USP28: variants seen among roughly 807,000 people sequenced by gnomAD.
USP28 encodes ubiquitin specific peptidase 28.
In USP28, 113 loss-of-function variants were observed where a neutral mutation model predicts 145.0. That is an observed-to-expected ratio of 0.78 (90% CI 0.67 to 0.91). USP28 has a LOEUF of 0.91. Among genes scored for constraint, USP28 ranks in the 40% least tolerant of loss-of-function variants. The pLI is 0.00. For synonymous variants in USP28, 447 were observed against 450.9 expected (o/e 0.99, Z 0.11); for missense variants, 1,201 against 1,289.6 (o/e 0.93, Z 1.05).
chr11:113,824,913 A>G (rs1161283658), intron 11 of USP28, among the ~76,000 whole-genome samples: 1 of 148,348 alleles, frequency 6.7e-6, no homozygotes, highest in East Asian at 2.1e-4. Context: ...CCTGGGCAAC[A>G]AGAGCGAAAC....
exon 16 of USP28, chr11:113,812,290 G>C (rs751152223): frequency 2.5e-6 from 4 of 1,613,734 alleles, no homozygotes; most frequent in East Asian, 2.2e-5. Context: ...ATTGAAGTAG[G>C]GTAGTTTGTC....
rs1225868136 is a variant in USP28 at position 113,817,791 on chromosome 11, T to C, written c.1330A>G (p.Met444Val). The C allele has an allele frequency of 3.1e-6, 5 of 1,614,180 alleles. No homozygotes were observed. The highest frequency in any genetic ancestry group is 3.3e-5 in the Admixed American group (2 of 60,020). The change falls in exon 13 of 25, where the codon ATG (methionine) becomes GTG (valine). Residue 444 changes from methionine (M) to valine (V), a missense_variant. Physicochemically the swap from Met to Val is conservative, Grantham distance 21. Transcript: ENST00000003302. ...GCAAATTCAATAACATATTTCAGCA[T>C]GTCCGGGAGCGGGAACCGAGCTGGG...
chr11:113,868,084 C>T (rs1467513274), intron 1 of USP28, among the ~76,000 whole-genome samples: 1 of 152,144 alleles, frequency 6.6e-6, no homozygotes, highest in Admixed American at 6.6e-5. Flanking sequence ...GACTCCAGCA[C>T]ACATCAGCCT....
chr11:113,844,015 T>TAG (rs1455997722), intron 3 of USP28, among the ~76,000 whole-genome samples: 1 of 152,024 alleles, frequency 6.6e-6, no homozygotes, highest in Non-Finnish European at 1.5e-5. Context: ...AATATAAAAG[T>TAG]AGAGGATGAC....
At chr11:113,803,450 A>C (rs1442472160) in intron 22 of USP28, among the ~76,000 whole-genome samples, 169 bp from the exon 24 acceptor site, 1 of 152,184 alleles carries the variant, frequency 6.6e-6, no homozygotes, top group African/African-American at 2.4e-5. Flanking sequence ...CTAGCCATCC[A>C]AAGCAAATAT....
chr11:113,873,330 G>T (rs1368453194), intron 1 of USP28, among the ~76,000 whole-genome samples: 1 of 152,186 alleles, frequency 6.6e-6, no homozygotes, highest in Admixed American at 6.6e-5. Context: ...TTTCCGTATA[G>T]GGCAAATCAC....
chr11:113,854,294 G>A, exon 2 of USP28: 1 of 1,614,110 alleles, frequency 6.2e-7, no homozygotes, highest in Non-Finnish European at 8.5e-7. Flanking sequence ...GGTCCTGAAT[G>A]CCTGTGATTT....
chr11:113,818,269 A>G lies in USP28; in HGVS notation c.1284-432T>C, dbSNP rs112843366. The G allele has an allele frequency of 2.8e-3, 429 of 153,112 alleles. 1 individual carries two copies. Among genetic ancestry groups the G allele is most frequent in the Non-Finnish European group, 4.6e-3 (319 of 69,184 alleles). The allele number at this position is 153,112 out of a possible 1,614,324, so 9.5% of individuals were successfully genotyped here. A position where few individuals can be genotyped will look rare whatever the true frequency, so the allele number is the denominator to read the frequency against. On this transcript the variant is annotated intron_variant, in intron 12 of 24. Transcript: ENST00000003302. ...TGGGTTCACGCCATTCTCCTGCCTC[A>G]GCCTCCCCAGTAGCTGGGACTACAG...
chr11:113,852,537 C>A, exon 3 of USP28: 1 of 1,614,184 alleles, frequency 6.2e-7, no homozygotes, highest in Non-Finnish European at 8.5e-7. Flanking sequence ...CTCCCCTCTA[C>A]TTCAGATGGT....
chr11:113,802,009 T>C (rs76922048), intron 23 of USP28, among the ~76,000 whole-genome samples: 2 of 152,216 alleles, frequency 1.3e-5, no homozygotes, highest in African/African-American at 4.8e-5. Context: ...CCTCTGAGCA[T>C]CAGAATCACC....
exon 23 of USP28, chr11:113,803,174 C>A: frequency 6.2e-7 from 1 of 1,613,542 alleles, no homozygotes; most frequent in Non-Finnish European, 8.5e-7. Context: ...GCATTTTCTT[C>A]GGTATAAAGC....
chr11:113,840,816 T>C, intron 4 of USP28, 59 bp from the exon 5 acceptor site: 2 of 1,550,846 alleles, frequency 1.3e-6, no homozygotes, highest in Non-Finnish European at 1.7e-6. Flanking sequence ...TAATATAGCA[T>C]ATGGAGGATG....
intron 3 of USP28, among the ~76,000 whole-genome samples, chr11:113,849,547 A>T (rs1946241043): frequency 6.6e-6 from 1 of 152,098 alleles, no homozygotes; most frequent in Non-Finnish European, 1.5e-5. Flanking sequence ...CTGGCCTATT[A>T]AAGGGATGTC....
intron 1 of USP28, among the ~76,000 whole-genome samples, chr11:113,871,886 TGA>T (rs1480792828): frequency 2.0e-5 from 3 of 152,230 alleles, no homozygotes; most frequent in Non-Finnish European, 4.4e-5. Context: ...CCATCAACTA[TGA>T]GATAGGACCA....
At chr11:113,857,795 G>C (rs1484280591) in intron 1 of USP28, among the ~76,000 whole-genome samples, 1 of 152,118 alleles carries the variant, frequency 6.6e-6, no homozygotes, top group Non-Finnish European at 1.5e-5. Context: ...TCTCCATTTT[G>C]TAATAGGTAG....
intron 5 of USP28, 66 bp downstream of exon 5, chr11:113,840,532 C>T (rs1945080851): frequency 3.2e-6 from 5 of 1,549,420 alleles, no homozygotes; most frequent in Middle Eastern, 1.7e-4. Flanking sequence ...TATGTTTCTA[C>T]ATTTCAGTTT....
intron 1 of USP28, among the ~76,000 whole-genome samples, chr11:113,860,442 CAAAAAAAAAAAAAA>C (rs1372274622): frequency 3.0e-5 from 4 of 134,624 alleles, no homozygotes; most frequent in Non-Finnish European, 3.1e-5. Flanking sequence ...CCAAGGGAAG[CAAAAAAAAAAAAAA>C]GAAAAAACAA....
exon 10 of USP28, chr11:113,829,254 C>T: frequency 6.2e-7 from 1 of 1,614,196 alleles, no homozygotes; most frequent in Non-Finnish European, 8.5e-7. Context: ...CACCCTCCAC[C>T]ATGGCCCCTT....
At chr11:113,857,196 C>T (rs531828679) in intron 1 of USP28, among the ~76,000 whole-genome samples, 25 of 152,286 alleles carry the variant, frequency 1.6e-4, no homozygotes, top group African/African-American at 5.8e-4. Context: ...GCAATTTCCC[C>T]TGCTTCCAGG....
Sources: allele counts gnomAD v4.1 joint callset (sites outside exome capture counted in the v4.1 genomes callset), GRCh38; gene constraint gnomAD v4.1.1; transcripts MANE v1.5; gene names NCBI Gene and HGNC (gene_info 2026-07-23, HGNC 2026-07-21).